CIC: variants seen among roughly 807,000 people sequenced by gnomAD.
CIC encodes the protein protein capicua homolog.
A neutral mutation model predicts 115.7 loss-of-function variants in CIC; 18 were observed. That is an observed-to-expected ratio of 0.16 (90% CI 0.11 to 0.23). The LOEUF (loss-of-function observed/expected upper bound fraction) is 0.23. Among genes scored for constraint, CIC ranks in the 10% least tolerant of loss-of-function variants. The probability of loss-of-function intolerance (pLI) is 1.00; values close to 1 mark genes in which losing one functional copy is unlikely to be tolerated. For synonymous variants in CIC, 1,076 were observed against 923.0 expected (o/e 1.17, Z -3.01); for missense variants, 2,000 against 2,159.3 (o/e 0.93, Z 1.46).
In CIC at chr19:42,295,026, AG is replaced by A; in HGVS notation, c.7394del (p.Gly2465AlafsTer64). Reference sequence around the variant, plus strand: ...CCCCTGCCCCCACTCCCAGCCCCGCAGGGGGCCCTGACCCCACCTCACCCAG... The same window carrying A: ...CCCCTGCCCCCACTCCCAGCCCCGCAGGGGCCCTGACCCCACCTCACCCAG... ...AAPAPTPSPA[G>X]GPDPTSPSSD... On this transcript the variant is annotated frameshift_variant, in exon 21 of 21. Transcript: ENST00000681038. LOFTEE classifies it high-confidence loss of function. 1 of 1,530,468 alleles carries A rather than the reference AG, an allele frequency of 6.5e-7. No individual in the cohort carries two copies. The allele number at this position is 1,530,468 out of a possible 1,614,324, so 94.8% of individuals were successfully genotyped here.
intron 19 of CIC, 137 bp downstream of exon 19, chr19:42,294,441 T>C (rs2038370429): frequency 2.6e-6 from 4 of 1,548,580 alleles, no homozygotes; most frequent in Non-Finnish European, 3.5e-6. Context: ...TGGTGGGTTC[T>C]GGAGTCTGGC....
At chr19:42,284,750 T>A in intron 2 of CIC, 2 of 1,556,978 alleles carry the variant, frequency 1.3e-6, no homozygotes, top group Non-Finnish European at 1.7e-6. Flanking sequence ...CAGCGCGGCC[T>A]CCCGTGGCCT....
chr19:42,280,853 A>C lies in CIC; in HGVS notation c.2795-5918A>C, dbSNP rs1180313558. On this transcript the variant is annotated intron_variant, in intron 2 of 20. Transcript: ENST00000681038. The surrounding 1 kb of genome is among the most constrained non-coding windows in gnomAD (Gnocchi z 4.9). ...CGCGCCGACCAACCCTCCCAGCCCA[A>C]GCGCCTGTACACCCCTTTCCCGCCC... is the stretch of plus-strand genomic sequence containing the variant. Among the ~76,000 whole-genome samples, 5 of 151,622 alleles carry C rather than the reference A, an allele frequency of 3.3e-5. No homozygotes were observed. Among genetic ancestry groups the C allele is most frequent in the African/African-American group, 4.9e-5 (2 of 41,234 alleles).
Position 42,272,519 on chromosome 19 carries a change from G to A in CIC, c.736G>A (p.Val246Met), listed in dbSNP as rs116414162. 2.9e-4 allele frequency: 117 copies of A among 398,648 alleles called. No individual in the cohort carries two copies. Among genetic ancestry groups the A allele is most frequent in the African/African-American group, 2.3e-3 (112 of 48,760 alleles). The allele number at this position is 398,648 out of a possible 1,614,324, so 24.7% of individuals were successfully genotyped here. A position where few individuals can be genotyped will look rare whatever the true frequency, so the allele number is the denominator to read the frequency against. The change falls in exon 2 of 21, where the codon GTG (valine) becomes ATG (methionine). Residue 246 changes from valine to methionine, a missense_variant. Physicochemically the swap from Val to Met is conservative, Grantham distance 21. Around this residue, in one of 8 missense-constraint regions of CIC, gnomAD observed 222 missense variants for 247.7 expected, o/e 0.90. Coordinates refer to ENST00000681038, the MANE Select transcript of CIC (RefSeq NM_001386298.1). ...CCGAGCCCTGACTTTCTATGAGGGG[G>A]TGCCAGGCGCTGGTGTGGATGTAGT... ...GDRALTFYEG[V>M]PGAGVDVVLD... is the part of the protein sequence containing the mutation.
At chr19:42,288,227 G>A (rs923107410) in intron 7 of CIC, among the ~76,000 whole-genome samples, 3 of 152,208 alleles carry the variant, frequency 2.0e-5, no homozygotes, top group Admixed American at 6.5e-5. Context: ...TATGTGCCTG[G>A]CACTACAGGG....
chr19:42,290,324 A>G lies in CIC; in HGVS notation c.4283A>G (p.Asp1428Gly), dbSNP rs2147250868. Residue 1428 changes from aspartate to glycine, a missense_variant, in exon 11 of 21, where the codon GAT becomes GGT. Coordinates refer to ENST00000681038, the MANE Select transcript of CIC (RefSeq NM_001386298.1). ...PLDPEPPGPP[D>G]PPVAFGKGYG... ...GACCCTGAGCCCCCAGGGCCCCCGG[A>G]TCCTCCTGTAGCCTTTGGCAAAGGC... 1 of 1,613,714 alleles carries G rather than the reference A, an allele frequency of 6.2e-7. No homozygotes were observed. The highest frequency in any genetic ancestry group is 1.3e-5 in the African/African-American group (1 of 74,856).
Position 42,295,552 on chromosome 19 carries a change from C to A in CIC, c.*361C>A, listed in dbSNP as rs1381717782. 3.8e-6 allele frequency: 1 copy of A among 264,664 alleles called. No homozygotes were observed. Among genetic ancestry groups the A allele is most frequent in the East Asian group, 5.8e-5 (1 of 17,236 alleles). The allele number at this position is 264,664 out of a possible 1,614,324, so 16.4% of individuals were successfully genotyped here. A position where few individuals can be genotyped will look rare whatever the true frequency, so the allele number is the denominator to read the frequency against. On this transcript the variant is annotated 3_prime_UTR_variant, in exon 21 of 21. Coordinates refer to ENST00000681038, the MANE Select transcript of CIC (RefSeq NM_001386298.1). ...CTGTGGAATAGGGGGAGTTCATGCACCCCTTTTTTCCCCAGAGGGGCTGGA... is the reference window on the plus strand; with the variant it reads ...CTGTGGAATAGGGGGAGTTCATGCAACCCTTTTTTCCCCAGAGGGGCTGGA...
chr19:42,294,756 T>C (rs1370266564), intron 20 of CIC, 21 bp downstream of exon 20: 2 of 1,612,214 alleles, frequency 1.2e-6, no homozygotes, highest in South Asian at 2.2e-5. Context: ...CTCGGAGTCT[T>C]GGGGTCACTC....
At chr19:42,275,877 G>GTGCTGGATGGTGCT (rs2036957645) in intron 2 of CIC, among the ~76,000 whole-genome samples, 1 of 151,984 alleles carries the variant, frequency 6.6e-6, no homozygotes, top group Non-Finnish European at 1.5e-5. Context: ...TGCTGTGCCT[G>GTGCTGGATGGTGCT]GCCCTGTGCT....
In CIC at chr19:42,286,839, C is replaced by T. The variant is rs1170353729; in HGVS notation, c.2863C>T (p.Pro955Ser). ...GCACTCCTTAGTCCCCTTCCTGGCA[C>T]CCAGCCAGCCTGACCCCTCCGTGCA... ...PWHSLVPFLA[P>S]SQPDPSVQPS... The change falls in exon 3 of 21, where the codon CCC becomes TCC. Residue 955 changes from proline to serine, a missense_variant. Transcript: ENST00000681038. 4 of 1,613,832 alleles carry T rather than the reference C, an allele frequency of 2.5e-6. No individual in the cohort carries two copies. In the African/African-American group the frequency reaches 5.3e-5, roughly 22 times the overall value.
chr19:42,278,207 C>T (rs1402007298), intron 2 of CIC, among the ~76,000 whole-genome samples: 1 of 152,242 alleles, frequency 6.6e-6, no homozygotes, highest in Non-Finnish European at 1.5e-5. Context: ...TGAATCTTCC[C>T]GCCTGCTCCC....
rs760453261 is a variant in CIC, at chr19:42,292,809, C to T, written c.6146C>T (p.Ala2049Val). 1.2e-6 allele frequency: 2 copies of T among 1,613,868 alleles called. No homozygotes were observed. The highest frequency in any genetic ancestry group is 1.1e-5 in the South Asian group (1 of 91,082). ...ACCATTCTGCCCAAGGGCCCGCCAG[C>T]CCCTGCCACTGCCACCCCAGCCCCG... ...AATILPKGPPAPATATPAPTS... is the reference protein window; with the variant it reads ...AATILPKGPPVPATATPAPTS... Residue 2049 changes from alanine to valine, a missense_variant, in exon 15 of 21, where the codon GCC becomes GTC. Ala to Val is a moderately conservative substitution (Grantham distance 64, BLOSUM62 0). Transcript: ENST00000681038.
At position 42,292,421 on chromosome 19, in the gene CIC, T is replaced by C. The variant is rs555135145; in HGVS notation, c.5857T>C (p.Ser1953Pro). 1.1e-4 allele frequency: 182 copies of C among 1,610,978 alleles called. 1 individual carries two copies. The highest frequency in any genetic ancestry group is 1.1e-3 in the Admixed American group (63 of 59,954). ...GAGCTCTGTAGCTCTAGGCTTCACC[T>C]CGCTGGGGCCCAGCGGCCCCGCCTT... ...PTSSVALGFT[S>P]LGPSGPAFVQ... Residue 1953 changes from serine (S) to proline (P), a missense_variant, in exon 14 of 21, where the codon TCG becomes CCG. By Grantham distance (74) the Ser-to-Pro change is moderately conservative (BLOSUM62 -1). This residue lies in a region of CIC where 1,466 missense variants were observed against 1,390.4 expected (regional missense o/e 1.05). Transcript: ENST00000681038.
chr19:42,291,647 A>G lies in CIC; in HGVS notation c.5515A>G (p.Ser1839Gly), dbSNP rs1477709016. The change falls in exon 12 of 21, where the codon AGC becomes GGC. Residue 1839 changes from serine (S) to glycine (G), a missense_variant. Ser to Gly is a moderately conservative substitution (Grantham distance 56, BLOSUM62 0). Around this residue, in one of 8 missense-constraint regions of CIC, gnomAD observed 1,466 missense variants for 1,390.4 expected, o/e 1.05. Coordinates refer to ENST00000681038, the MANE Select transcript of CIC (RefSeq NM_001386298.1). The part of the protein sequence containing the change: ...GKVLVPLAAP[S>G]MSVRGGGAGQ... ...GGTCCTAGTGCCTCTGGCCGCCCCT[A>G]GCATGTCAGTGCGGGGTGGAGGGGC... The G allele has an allele frequency of 2.5e-6, 4 of 1,612,708 alleles. No individual in the cohort carries two copies. The highest frequency in any genetic ancestry group is 2.2e-5 in the East Asian group (1 of 44,870).
At position 42,295,307 on chromosome 19, in the gene CIC, G is replaced by T; in HGVS notation, c.*116G>T. Reference sequence around the variant, plus strand: ...GCCATTTCGTCCTCTCCAGTTTGGGGCGGAATGAGGCCTGCTCCTCTTGTA... The same window carrying T: ...GCCATTTCGTCCTCTCCAGTTTGGGTCGGAATGAGGCCTGCTCCTCTTGTA... On this transcript the variant is annotated 3_prime_UTR_variant, in exon 21 of 21. Transcript: ENST00000681038. 2 of 891,612 alleles carry T rather than the reference G, an allele frequency of 2.2e-6. No individual in the cohort carries two copies. Among genetic ancestry groups the T allele is most frequent in the South Asian group, 1.6e-5 (1 of 62,400 alleles). 55.2% of individuals were successfully genotyped at this position (891,612 alleles called of 1,614,324 possible). A position where few individuals can be genotyped will look rare whatever the true frequency, so the allele number is the denominator to read the frequency against.
Position 42,295,402 on chromosome 19 carries a change from C to G in CIC, c.*211C>G. 1 of 579,644 alleles carries G rather than the reference C, an allele frequency of 1.7e-6. No individual in the cohort carries two copies. The highest frequency in any genetic ancestry group is 3.1e-6 in the Non-Finnish European group (1 of 326,348). The allele number at this position is 579,644 out of a possible 1,614,324, so 35.9% of individuals were successfully genotyped here. On this transcript the variant is annotated 3_prime_UTR_variant, in exon 21 of 21. Transcript: ENST00000681038. ...CTGAGGGGCTGCAGGGGCAGTCTCC[C>G]TCCTCCAAGCCCCTGTACATAACCT...
rs2147254450 is a variant in CIC at position 42,290,479 on chromosome 19, C to T, written c.4438C>T (p.Leu1480=). The part of the protein sequence containing the change: ...ESGQGSTAGP[L]RPPPPGAGGP... ...TGGTCAGGGCAGCACAGCGGGCCCC[C>T]TACGGCCCCCACCCCCTGGGGCTGG... Residue 1480 remains leucine (L), a synonymous_variant, in exon 11 of 21, where the codon CTA becomes TTA. Transcript: ENST00000681038. The T allele has an allele frequency of 1.2e-6, 2 of 1,613,748 alleles. No homozygotes were observed. Among genetic ancestry groups the T allele is most frequent in the East Asian group, 2.2e-5 (1 of 44,878 alleles).
In CIC at chr19:42,280,814, C is replaced by T. The variant is rs888664361; in HGVS notation, c.2795-5957C>T. ...GCCCCCTCCTCTGCTCGGGCCTTGGCGCCTCCCTCAGCCCGCGCCGACCAA... is the reference window on the plus strand; with the variant it reads ...GCCCCCTCCTCTGCTCGGGCCTTGGTGCCTCCCTCAGCCCGCGCCGACCAA... On this transcript the variant is annotated intron_variant, in intron 2 of 20. Coordinates refer to ENST00000681038, the MANE Select transcript of CIC (RefSeq NM_001386298.1). The surrounding 1 kb of genome is among the most constrained non-coding windows in gnomAD (Gnocchi z 4.9). 2.0e-5 allele frequency among the ~76,000 whole-genome samples: 3 copies of T among 151,906 alleles called. No homozygotes were observed. Among genetic ancestry groups the T allele is most frequent in the Admixed American group, 6.5e-5 (1 of 15,270 alleles).
Position 42,294,044 on chromosome 19 carries a change from C to T in CIC, c.6877C>T (p.Arg2293Trp), listed in dbSNP as rs1355435851. The change falls in exon 18 of 21, where the codon CGG (arginine) becomes TGG (tryptophan). Residue 2293 changes from arginine to tryptophan, a missense_variant. Around this residue, in one of 8 missense-constraint regions of CIC, gnomAD observed 99 missense variants for 217.6 expected, o/e 0.45. Transcript: ENST00000681038. ...CCTGCAGTCTCTGGCCACCTCACCC[C>T]GGGCCATCCTGGGCTCTTACCGCAA... ...PTLQSLATSP[R>W]AILGSYRKKR... 5 of 1,613,576 alleles carry T rather than the reference C, an allele frequency of 3.1e-6. No homozygotes were observed. Among genetic ancestry groups the T allele is most frequent in the Admixed American group, 1.7e-5 (1 of 60,020 alleles).
Sources: allele counts gnomAD v4.1 joint callset (sites outside exome capture counted in the v4.1 genomes callset), GRCh38; gene constraint gnomAD v4.1.1; regional missense constraint gnomAD v4.1.1; non-coding constraint Gnocchi (gnomAD v3.1); transcripts MANE v1.5; gene names NCBI Gene and HGNC (gene_info 2026-07-23, HGNC 2026-07-21).